Variants in FER observed in about 807,000 individuals in gnomAD.
FER encodes tyrosine-protein kinase Fer.
In FER, 63 loss-of-function variants were observed where a neutral mutation model predicts 111.0. The observed-to-expected ratio is 0.57, with a 90% CI of 0.46 to 0.70. The LOEUF is 0.70. Ranked by LOEUF, FER falls within the 30% of genes least tolerant of loss-of-function variation. The probability of loss-of-function intolerance (pLI) is 0.00; values close to 1 mark genes in which losing one functional copy is unlikely to be tolerated. For synonymous variants in FER, 327 were observed against 313.9 expected, an observed-to-expected ratio of 1.04 and a Z score of -0.44; for missense variants, 914 against 954.0, an observed-to-expected ratio of 0.96 and a Z score of 0.55.
At chr5:108,873,448 T>C (rs1235975961) in intron 8 of FER, among the ~76,000 whole-genome samples, 1 of 152,054 alleles carries the variant, frequency 6.6e-6, no homozygotes, top group Non-Finnish European at 1.5e-5. Context: ...CCCAGCCAGG[T>C]TTTGGAATCT....
At chr5:108,809,015 T>C (rs1000295561) in intron 3 of FER, among the ~76,000 whole-genome samples, 6 of 152,212 alleles carry the variant, frequency 3.9e-5, no homozygotes, top group African/African-American at 1.4e-4. Context: ...CAGCTGCCTT[T>C]AAGATTTTTT....
intron 14 of FER, among the ~76,000 whole-genome samples, chr5:109,040,298 A>G (rs975611320): frequency 6.6e-6 from 1 of 152,104 alleles, no homozygotes; most frequent in Non-Finnish European, 1.5e-5. Flanking sequence ...GTGAGTCTAG[A>G]TGAAGAAGAG....
At chr5:108,890,982 C>T (rs58862033) in intron 9 of FER, among the ~76,000 whole-genome samples, 3,198 of 152,144 alleles carry the variant, frequency 0.021, 108 homozygotes, top group African/African-American at 0.074. Context: ...ACATTTCCAT[C>T]AGCAATGTGT....
At chr5:109,180,391 G>C (rs1758164728) in intron 17 of FER, among the ~76,000 whole-genome samples, 1 of 152,216 alleles carries the variant, frequency 6.6e-6, no homozygotes. Context: ...ACATGTGGCA[G>C]ATGGCTACTT....
intron 13 of FER, among the ~76,000 whole-genome samples, chr5:108,967,467 A>C (rs1760018765): frequency 6.6e-6 from 1 of 152,128 alleles, no homozygotes; most frequent in Non-Finnish European, 1.5e-5. Flanking sequence ...ACAGTGTGAA[A>C]AACCAATTAT....
intron 17 of FER, among the ~76,000 whole-genome samples, chr5:109,168,420 G>A (rs1056657661): frequency 3.3e-5 from 5 of 152,008 alleles, no homozygotes; most frequent in Non-Finnish European, 5.9e-5. Flanking sequence ...CCAATCTCTG[G>A]GGAGTGAAGG....
intron 9 of FER, among the ~76,000 whole-genome samples, chr5:108,886,273 G>A (rs1747141626): frequency 2.6e-5 from 4 of 151,422 alleles, no homozygotes. Flanking sequence ...TCCTCTACCT[G>A]TTTATATTTA....
At chr5:108,915,940 A>G (rs373732371) in intron 10 of FER, among the ~76,000 whole-genome samples, 23 of 152,230 alleles carry the variant, frequency 1.5e-4, no homozygotes, top group African/African-American at 3.1e-4. Context: ...CACTTTTCCC[A>G]TACTCCCCTG....
At chr5:109,141,322 T>C (rs28699553) in intron 17 of FER, among the ~76,000 whole-genome samples, 29,189 of 152,168 alleles carry the variant, frequency 0.19, 2,965 homozygotes, top group Non-Finnish European at 0.22. Context: ...CTTTAAGTTA[T>C]GATAAAATAC....
At chr5:108,882,539 C>T (rs534835920) in intron 8 of FER, among the ~76,000 whole-genome samples, 25 of 151,654 alleles carry the variant, frequency 1.6e-4, no homozygotes, top group African/African-American at 5.6e-4. Context: ...ATTAGTTTGT[C>T]TTTTTTCTAA....
intron 17 of FER, among the ~76,000 whole-genome samples, chr5:109,111,808 T>G (rs1749654298): frequency 6.6e-6 from 1 of 152,124 alleles, no homozygotes; most frequent in African/African-American, 2.4e-5. Flanking sequence ...ACCACCCCCA[T>G]GATCCAATCA....
At chr5:109,084,116 G>T (rs916375651) in intron 16 of FER, among the ~76,000 whole-genome samples, 54 of 151,910 alleles carry the variant, frequency 3.6e-4, no homozygotes, top group Admixed American at 9.2e-4. Flanking sequence ...CATGACTATT[G>T]AATCCTCTCT....
At chr5:109,184,734 A>G (rs554509563) in intron 18 of FER, among the ~76,000 whole-genome samples, 2 of 152,238 alleles carry the variant, frequency 1.3e-5, no homozygotes, top group East Asian at 3.8e-4. Context: ...ATTACTATCT[A>G]TCTACTAAGA....
intron 5 of FER, among the ~76,000 whole-genome samples, chr5:108,840,257 A>G (rs193085783): frequency 1.1e-3 from 171 of 152,310 alleles, no homozygotes; most frequent in African/African-American, 3.9e-3. Flanking sequence ...ATTATCATCT[A>G]ATATCCGGTC....
chr5:108,913,804 G>A (rs1197388639), intron 10 of FER, among the ~76,000 whole-genome samples: 1 of 152,142 alleles, frequency 6.6e-6, no homozygotes. Context: ...TTACCCAATG[G>A]GATACTCCGC....
At chr5:108,921,880 A>G (rs1330566904) in intron 10 of FER, among the ~76,000 whole-genome samples, 1 of 152,184 alleles carries the variant, frequency 6.6e-6, no homozygotes, top group Non-Finnish European at 1.5e-5. Flanking sequence ...GGTTTGAATT[A>G]TGTGCCCCCA....
Position 108,902,277 on chromosome 5 carries a change from T to C in FER, c.1236+4429T>C, listed in dbSNP as rs187467388. 1.0e-3 allele frequency among the ~76,000 whole-genome samples: 155 copies of C among 152,298 alleles called. 1 individual carries two copies. The highest frequency in any genetic ancestry group is 3.6e-3 in the African/African-American group (150 of 41,566). ...TACAAAAGGAGAAGTACAATGATAA[T>C]TTATGGAAGGTTTTCCTAGCAATGT... On this transcript the variant is annotated intron_variant, in intron 10 of 19. Transcript: ENST00000281092.
intron 17 of FER, among the ~76,000 whole-genome samples, chr5:109,177,942 T>G (rs1352505020): frequency 2.0e-5 from 3 of 152,200 alleles, no homozygotes; most frequent in Admixed American, 2.0e-4. Context: ...GATTGTTCTC[T>G]AGCACTTTTA....
chr5:108,897,813 A>G lies in FER; in HGVS notation c.1201A>G (p.Asn401Asp). Residue 401 changes from asparagine to aspartate, a missense_variant, in exon 10 of 20, where the codon AAT (asparagine) becomes GAT (aspartate). Physicochemically the swap from Asn to Asp is conservative, Grantham distance 23. Coordinates refer to ENST00000281092, the MANE Select transcript of FER (RefSeq NM_005246.4). ...NDGKEPPPVV[N>D]YEEDARSVTS... The stretch of plus-strand genomic sequence containing the variant: ...TGGGAAAGAGCCACCTCCAGTAGTA[A>G]ATTATGAAGAAGATGCACGATCAGT... 1 of 1,612,312 alleles carries G rather than the reference A, an allele frequency of 6.2e-7. No individual in the cohort carries two copies. The highest frequency in any genetic ancestry group is 8.5e-7 in the Non-Finnish European group (1 of 1,179,350).
Sources: allele counts gnomAD v4.1 joint callset (sites outside exome capture counted in the v4.1 genomes callset), GRCh38; gene constraint gnomAD v4.1.1; transcripts MANE v1.5; gene names NCBI Gene and HGNC (gene_info 2026-07-23, HGNC 2026-07-21).